LINGO2: variants seen among roughly 807,000 people sequenced by gnomAD.
The protein encoded by LINGO2 is leucine-rich repeat and immunoglobulin-like domain-containing nogo receptor-interacting protein 2.
Under a neutral mutation model 30.6 loss-of-function variants are expected in LINGO2, and 14 were observed. The ratio of observed to expected loss-of-function variants is 0.46; its 90% confidence interval spans 0.30 to 0.72. The LOEUF (loss-of-function observed/expected upper bound fraction) is 0.72, where lower values mean the gene tolerates loss of function less well. Among genes scored for constraint, LINGO2 ranks in the 30% least tolerant of loss-of-function variants. LINGO2 has a pLI of 0.07. For missense variants in LINGO2, 729 were observed against 751.7 expected, an observed-to-expected ratio of 0.97 and a Z score of 0.35; for synonymous variants, 317 against 288.5, an observed-to-expected ratio of 1.10 and a Z score of -1.00.
intron 2 of LINGO2, among the ~76,000 whole-genome samples, chr9:28,454,537 T>A (rs922231500): frequency 6.6e-6 from 1 of 152,048 alleles, no homozygotes; most frequent in Non-Finnish European, 1.5e-5. Context: ...GTCTCAAATG[T>A]TGCATTTAAA....
chr9:28,246,083 G>T (rs915803400), intron 4 of LINGO2, among the ~76,000 whole-genome samples: 1 of 152,114 alleles, frequency 6.6e-6, no homozygotes, highest in African/African-American at 2.4e-5. Flanking sequence ...CTATGGTACT[G>T]GTACCAAAAC....
chr9:29,048,670 C>G, the LINGO2 span, among the ~76,000 whole-genome samples: 17 of 152,094 alleles, frequency 1.1e-4, no homozygotes, highest in Non-Finnish European at 2.2e-4. Flanking sequence ...CACACACCTA[C>G]AGTGAACTCA....
At chr9:28,665,123 G>C (rs1422388970) in intron 1 of LINGO2, among the ~76,000 whole-genome samples, 1 of 149,770 alleles carries the variant, frequency 6.7e-6, no homozygotes, top group South Asian at 2.1e-4. Context: ...GCCAAAAAAG[G>C]TGGTGGAAAA....
intron 5 of LINGO2, among the ~76,000 whole-genome samples, chr9:27,977,538 A>T (rs1330262516): frequency 1.3e-5 from 2 of 152,020 alleles, no homozygotes; most frequent in Non-Finnish European, 2.9e-5. Flanking sequence ...CATCTATTAC[A>T]AATAACATTC....
At chr9:29,004,215 TGTG>T in the LINGO2 span, among the ~76,000 whole-genome samples, 4 of 152,026 alleles carry the variant, frequency 2.6e-5, no homozygotes, top group Non-Finnish European at 5.9e-5. Flanking sequence ...ACCCTTTATA[TGTG>T]ATATTTCTCT....
At chr9:29,179,831 T>C in the LINGO2 span, among the ~76,000 whole-genome samples, 1 of 152,188 alleles carries the variant, frequency 6.6e-6, no homozygotes, top group Non-Finnish European at 1.5e-5. Context: ...CATCTTAAAA[T>C]ATAGAATAAA....
At chr9:28,892,033 T>C in the LINGO2 span, among the ~76,000 whole-genome samples, 46 of 151,974 alleles carry the variant, frequency 3.0e-4, no homozygotes, top group African/African-American at 1.1e-3. Context: ...AAATAAACTG[T>C]TGGAAATAAC....
chr9:28,993,633 C>T, the LINGO2 span, among the ~76,000 whole-genome samples: 3 of 150,414 alleles, frequency 2.0e-5, no homozygotes, highest in Non-Finnish European at 4.5e-5. Context: ...TACTAGCAAA[C>T]CGAATCCAGC....
intron 2 of LINGO2, among the ~76,000 whole-genome samples, chr9:28,373,466 G>T (rs2134583229): frequency 6.6e-6 from 1 of 152,244 alleles, no homozygotes; most frequent in Admixed American, 6.5e-5. Flanking sequence ...TATTCAAACT[G>T]CAAGCCACTT....
the LINGO2 span, among the ~76,000 whole-genome samples, chr9:29,052,231 T>C: frequency 6.6e-6 from 1 of 152,166 alleles, no homozygotes; most frequent in Non-Finnish European, 1.5e-5. Flanking sequence ...CTATTTATTC[T>C]TTTCAATACT....
At chr9:29,031,482 C>T in the LINGO2 span, among the ~76,000 whole-genome samples, 1 of 151,944 alleles carries the variant, frequency 6.6e-6, no homozygotes, top group Non-Finnish European at 1.5e-5. Flanking sequence ...AGAGTTTCAG[C>T]ATGTTGGCCA....
chr9:28,737,011 T>G, the LINGO2 span, among the ~76,000 whole-genome samples: 1 of 152,154 alleles, frequency 6.6e-6, no homozygotes. Flanking sequence ...GAAGGCATAT[T>G]CCCTTGCATA....
chr9:28,125,937 G>A (rs959771524), intron 4 of LINGO2, among the ~76,000 whole-genome samples: 1 of 152,112 alleles, frequency 6.6e-6, no homozygotes, highest in African/African-American at 2.4e-5. Context: ...TGAAAATTGA[G>A]TACCAACCAA....
At chr9:28,007,380 A>C (rs562460429) in intron 5 of LINGO2, among the ~76,000 whole-genome samples, 2 of 152,240 alleles carry the variant, frequency 1.3e-5, no homozygotes, top group East Asian at 1.9e-4. Context: ...CGCATGATGA[A>C]AACTGAGTAA....
At chr9:28,006,660 A>G (rs1331109180) in intron 5 of LINGO2, among the ~76,000 whole-genome samples, 1 of 152,148 alleles carries the variant, frequency 6.6e-6, no homozygotes, top group Non-Finnish European at 1.5e-5. Context: ...ATTTTGCCCC[A>G]GTAGGACTAC....
chr9:29,128,785 G>T, the LINGO2 span, among the ~76,000 whole-genome samples: 1 of 152,008 alleles, frequency 6.6e-6, no homozygotes, highest in African/African-American at 2.4e-5. Flanking sequence ...ATCTTTGTTT[G>T]TGTGTGTATA....
intron 2 of LINGO2, among the ~76,000 whole-genome samples, chr9:28,470,224 A>C (rs1282793833): frequency 5.9e-5 from 9 of 152,308 alleles, no homozygotes. Flanking sequence ...GTACACTTGA[A>C]AACTGTTAAA....
At chr9:28,336,885 T>A (rs1006575169) in intron 3 of LINGO2, among the ~76,000 whole-genome samples, 59 of 152,064 alleles carry the variant, frequency 3.9e-4, no homozygotes, top group African/African-American at 1.2e-3. Flanking sequence ...TTTGAATATT[T>A]AAAAAATCAC....
intron 2 of LINGO2, among the ~76,000 whole-genome samples, chr9:28,458,164 A>G (rs1350070964): frequency 2.0e-5 from 3 of 152,210 alleles, no homozygotes; most frequent in Non-Finnish European, 2.9e-5. Flanking sequence ...TCACAACATG[A>G]GCCACATGTC....
Sources: allele counts gnomAD v4.1 joint callset (sites outside exome capture counted in the v4.1 genomes callset), GRCh38; gene constraint gnomAD v4.1.1; transcripts MANE v1.5; gene names NCBI Gene and HGNC (gene_info 2026-07-23, HGNC 2026-07-21).